EGF: variants seen among roughly 807,000 people sequenced by gnomAD.
The protein encoded by EGF is pro-epidermal growth factor.
Under a neutral mutation model 143.8 loss-of-function variants are expected in EGF, and 95 were observed. The observed-to-expected ratio is 0.66, with a 90% CI of 0.56 to 0.78. The LOEUF (loss-of-function observed/expected upper bound fraction) is 0.78, where lower values mean the gene tolerates loss of function less well. EGF is among the 30% of genes least tolerant of loss of function. The probability of loss-of-function intolerance (pLI) is 0.00; values close to 1 mark genes in which losing one functional copy is unlikely to be tolerated. For missense variants in EGF, 1,320 were observed against 1,470.9 expected (o/e 0.90, Z 1.68); for synonymous variants, 510 against 510.5 (o/e 1.00, Z 0.01).
At chr4:109,947,777 TA>T (rs1421874973) in intron 5 of EGF, among the ~76,000 whole-genome samples, 6 of 152,238 alleles carry the variant, frequency 3.9e-5, no homozygotes, top group Non-Finnish European at 7.3e-5. Flanking sequence ...AACCCTCTCT[TA>T]CATTTATATG....
chr4:109,991,973 G>A (rs185985477), intron 18 of EGF, among the ~76,000 whole-genome samples: 96 of 151,592 alleles, frequency 6.3e-4, no homozygotes, highest in African/African-American at 1.2e-3. Context: ...GCAACATAGC[G>A]AAACACTGTT....
chr4:109,947,048 G>A (rs1560672222), intron 5 of EGF, among the ~76,000 whole-genome samples: 1 of 152,056 alleles, frequency 6.6e-6, no homozygotes, highest in African/African-American at 2.4e-5. Flanking sequence ...GAACCCAGGA[G>A]GCAGAGGCCA....
chr4:109,994,920 A>C (rs1197423845), intron 20 of EGF, 40 bp downstream of exon 20: 1 of 1,613,174 alleles, frequency 6.2e-7, no homozygotes, highest in Non-Finnish European at 8.5e-7. Context: ...GAGAGATGCT[A>C]TTCAGTCCAT....
intron 13 of EGF, among the ~76,000 whole-genome samples, chr4:109,976,777 A>G (rs1480135477): frequency 6.6e-6 from 1 of 152,252 alleles, no homozygotes; most frequent in Non-Finnish European, 1.5e-5. Flanking sequence ...CCAGGAATGT[A>G]CAAAGACAGT....
At chr4:109,923,803 T>A (rs781519462) in intron 1 of EGF, among the ~76,000 whole-genome samples, 20 of 151,296 alleles carry the variant, frequency 1.3e-4, no homozygotes, top group Non-Finnish European at 2.4e-4. Flanking sequence ...GTATTTTTAG[T>A]AGAGACAGGA....
At chr4:109,984,284 A>T (rs921047181) in intron 16 of EGF, among the ~76,000 whole-genome samples, 1 of 151,664 alleles carries the variant, frequency 6.6e-6, no homozygotes, top group African/African-American at 2.4e-5. Flanking sequence ...ACTCCACATT[A>T]GGACTTTTAA....
chr4:109,991,531 G>T (rs6810393), intron 18 of EGF, among the ~76,000 whole-genome samples: 15,688 of 152,098 alleles, frequency 0.1, 2,505 homozygotes, highest in African/African-American at 0.34. Context: ...AATGAGTAAG[G>T]CTGTTCTTGC....
intron 16 of EGF, among the ~76,000 whole-genome samples, chr4:109,984,918 C>T (rs948429114): frequency 1.3e-5 from 2 of 152,020 alleles, no homozygotes; most frequent in Non-Finnish European, 2.9e-5. Flanking sequence ...CTGGGGATAC[C>T]AAGATGAGCT....
intron 18 of EGF, among the ~76,000 whole-genome samples, chr4:109,989,423 A>C (rs1467444353): frequency 1.3e-5 from 2 of 152,124 alleles, no homozygotes; most frequent in Non-Finnish European, 2.9e-5. Flanking sequence ...GCGCTTTAAA[A>C]CTTCTCTTTC....
rs2126104450 is a variant in EGF at position 109,976,249 on chromosome 4, A to G, written c.2053+14A>G. On this transcript the variant is annotated intron_variant, in intron 13 of 23. Coordinates refer to ENST00000265171, the MANE Select transcript of EGF (RefSeq NM_001963.6). ...AGAATGATGTAGGTGAGGCTTTGGG[A>G]TGGGCGATTTTTTCATCTTGACTGA... The G allele has an allele frequency of 6.2e-7, 1 of 1,610,078 alleles. No individual in the cohort carries two copies. Among genetic ancestry groups the G allele is most frequent in the East Asian group, 2.2e-5 (1 of 44,828 alleles).
intron 1 of EGF, among the ~76,000 whole-genome samples, chr4:109,938,080 T>C (rs1203767000): frequency 6.6e-6 from 1 of 152,214 alleles, no homozygotes; most frequent in Non-Finnish European, 1.5e-5. Context: ...GTTGGAGATA[T>C]TCTCCTGGAT....
intron 21 of EGF, among the ~76,000 whole-genome samples, chr4:110,002,937 A>G (rs1423602379): frequency 6.6e-6 from 1 of 152,130 alleles, no homozygotes; most frequent in Non-Finnish European, 1.5e-5. Context: ...TTCCTGTGTT[A>G]GTTTGCTAAG....
chr4:109,913,992 T>TA (rs1231879897), intron 1 of EGF, among the ~76,000 whole-genome samples: 1 of 152,224 alleles, frequency 6.6e-6, no homozygotes, highest in Non-Finnish European at 1.5e-5. Context: ...TCCCCACTCT[T>TA]ACTGTTTCTG....
intron 21 of EGF, among the ~76,000 whole-genome samples, chr4:110,000,357 C>G (rs538835456): frequency 6.6e-6 from 1 of 151,840 alleles, no homozygotes; most frequent in East Asian, 1.9e-4. Flanking sequence ...TTGTTCCATT[C>G]CAGTCATTGT....
At position 109,935,887 on chromosome 4, in the gene EGF, G is replaced by A. The variant is rs576205018; in HGVS notation, c.128-5059G>A. 2.0e-5 allele frequency among the ~76,000 whole-genome samples: 3 copies of A among 152,244 alleles called. No individual in the cohort carries two copies. In the East Asian group the frequency reaches 5.8e-4, roughly 29 times the overall value. On this transcript the variant is annotated intron_variant, in intron 1 of 23. Coordinates refer to ENST00000265171, the MANE Select transcript of EGF (RefSeq NM_001963.6). ...TGTTGAACCAGTCTTGCATCCCAGG[G>A]GTGAAGCCAACTCGGTCGTGGTGGA...
rs183007553 is a variant in EGF, at chr4:110,006,888, A to G, written c.3292-1264A>G. On this transcript the variant is annotated intron_variant, in intron 22 of 23. Coordinates refer to ENST00000265171, the MANE Select transcript of EGF (RefSeq NM_001963.6). ...GAGAGCTGAACGCTCAAACTAGAAG[A>G]AAGAGCAGAAACAAATGTAGTTCTA... 5.0e-3 allele frequency among the ~76,000 whole-genome samples: 762 copies of G among 152,318 alleles called. 5 individuals are homozygous for G. Among genetic ancestry groups the G allele is most frequent in the Non-Finnish European group, 9.0e-3 (610 of 68,034 alleles).
chr4:109,975,956 A>G (rs1426903617), intron 12 of EGF, 56 bp from the exon 13 acceptor site: 2 of 1,549,414 alleles, frequency 1.3e-6, no homozygotes. Context: ...ATGATGAAAG[A>G]ACAGAATAAT....
chr4:109,960,928 A>T lies in EGF; in HGVS notation c.1128A>T (p.Gly376=), dbSNP rs201446552. Residue 376 remains glycine, a synonymous_variant, in exon 7 of 24, where the codon GGA becomes GGT. Transcript: ENST00000265171. ...CTCTTGGGTGTAAAAACACCCCTGG[A>T]TCCTATTACTGCACGTGCCCTGTAG... The part of the protein sequence containing the change: ...GCTLGCKNTP[G]SYYCTCPVGF... 1 of 1,613,894 alleles carries T rather than the reference A, an allele frequency of 6.2e-7. No homozygotes were observed. Among genetic ancestry groups the T allele is most frequent in the Non-Finnish European group, 8.5e-7 (1 of 1,179,900 alleles).
chr4:109,983,180 TC>T (rs1256223867), intron 15 of EGF, among the ~76,000 whole-genome samples: 7 of 152,238 alleles, frequency 4.6e-5, no homozygotes, highest in Admixed American at 4.6e-4. Flanking sequence ...AAGAGTCCTA[TC>T]TTTCTTCCGT....
Sources: gnomAD v4.1 joint callset for allele counts (sites outside exome capture counted in the v4.1 genomes callset) on GRCh38, gnomAD v4.1.1 for gene constraint, MANE v1.5 for transcripts, NCBI Gene and HGNC (gene_info 2026-07-23, HGNC 2026-07-21) for gene names.